The following HDAC9 variants were observed in gnomAD, a reference collection of about 807,000 sequenced individuals.
The protein encoded by HDAC9 is MEF-2 interacting transcription repressor (MITR) protein.
In HDAC9, 41 loss-of-function variants were observed where a neutral mutation model predicts 139.4. That is an observed-to-expected ratio of 0.29 (90% CI 0.23 to 0.38). The LOEUF (loss-of-function observed/expected upper bound fraction) is 0.38, where lower values mean the gene tolerates loss of function less well. Among genes scored for constraint, HDAC9 ranks in the 10% least tolerant of loss-of-function variants. The probability of loss-of-function intolerance (pLI) is 1.00; values close to 1 mark genes in which losing one functional copy is unlikely to be tolerated. For synonymous variants in HDAC9, 517 were observed against 476.2 expected (o/e 1.09, Z -1.12); for missense variants, 1,147 against 1,297.0 (o/e 0.88, Z 1.78).
chr7:18,987,961 CTTCT>C (rs1467112711), intron 25 of HDAC9, among the ~76,000 whole-genome samples: 1 of 151,960 alleles, frequency 6.6e-6, no homozygotes, highest in Admixed American at 6.6e-5. Flanking sequence ...TCTCCCTTTT[CTTCT>C]TTATTAGTCT....
intron 23 of HDAC9, among the ~76,000 whole-genome samples, chr7:18,936,597 A>C (rs1234599470): frequency 6.6e-6 from 1 of 152,210 alleles, no homozygotes; most frequent in African/African-American, 2.4e-5. Flanking sequence ...AACATTTTCA[A>C]CCAATTAGTT....
At chr7:18,458,725 GTAGACCTC>G in intron 1 of HDAC9, 1 of 643,698 alleles carries the variant, frequency 1.6e-6, no homozygotes, top group Non-Finnish European at 2.7e-6. Flanking sequence ...ATGATAAGCT[GTAGACCTC>G]TACTCAGAGT....
rs574668343 is a variant in HDAC9, at chr7:18,460,986, G to T, written c.-41-35276G>T. Among the ~76,000 whole-genome samples the T allele has an allele frequency of 9.2e-5, 14 of 152,126 alleles. No individual in the cohort carries two copies. The South Asian group carries it at 2.9e-3, about 32-fold the overall frequency. On this transcript the variant is annotated intron_variant, in intron 1 of 3. Transcript: ENST00000413509. The stretch of plus-strand genomic sequence containing the variant: ...AAAATAAGCAATGATTTCTAGAGAA[G>T]AGTAAAAAAGCCAGAAGAAGAAAAT...
intron 21 of HDAC9, among the ~76,000 whole-genome samples, chr7:18,863,920 G>A (rs1201400873): frequency 6.6e-6 from 1 of 152,202 alleles, no homozygotes; most frequent in Non-Finnish European, 1.5e-5. Context: ...TGTGAGTACT[G>A]CTACAATGAG....
intron 16 of HDAC9, among the ~76,000 whole-genome samples, chr7:18,788,874 T>C (rs1792054121): frequency 6.6e-6 from 1 of 152,138 alleles, no homozygotes. Flanking sequence ...GTGTTCCTTG[T>C]TTGTGCCGCA....
chr7:18,957,047 G>A (rs1485884847), intron 24 of HDAC9, among the ~76,000 whole-genome samples: 1 of 152,190 alleles, frequency 6.6e-6, no homozygotes, highest in Non-Finnish European at 1.5e-5. Context: ...CGTTTACCAA[G>A]AAGGAATGAT....
In HDAC9 at chr7:18,928,133, A is replaced by G. The variant is rs202244100; in HGVS notation, c.2804-7676A>G. 2.6e-5 allele frequency among the ~76,000 whole-genome samples: 4 copies of G among 152,342 alleles called. No homozygotes were observed. The East Asian group carries it at 7.7e-4, about 29-fold the overall frequency. On this transcript the variant is annotated intron_variant, in intron 22 of 25. Coordinates refer to ENST00000686413, the MANE Select transcript of HDAC9 (RefSeq NM_178425.4). ...TTTTACTACAGGGAGGCAGGATAGC[A>G]ATAGTAACTAAATTGTAGGTTGGAG...
chr7:18,358,092 C>T (rs193262225), intron 1 of HDAC9, among the ~76,000 whole-genome samples: 26 of 152,038 alleles, frequency 1.7e-4, no homozygotes, highest in East Asian at 1.6e-3. Context: ...GGGAGGCTGA[C>T]GCAGGAGCAT....
chr7:18,670,790 G>A (rs1385582360), intron 12 of HDAC9, among the ~76,000 whole-genome samples: 1 of 151,270 alleles, frequency 6.6e-6, no homozygotes, highest in East Asian at 1.9e-4. Context: ...CTCCTCATTA[G>A]CATTTACCAA....
intron 17 of HDAC9, among the ~76,000 whole-genome samples, chr7:18,809,324 A>G (rs145285607): frequency 6.6e-6 from 1 of 152,174 alleles, no homozygotes; most frequent in East Asian, 1.9e-4. Context: ...AACAAAAGCA[A>G]AAGTTGACAA....
chr7:18,974,137 T>G (rs1784416069), intron 24 of HDAC9, among the ~76,000 whole-genome samples: 1 of 152,186 alleles, frequency 6.6e-6, no homozygotes, highest in South Asian at 2.1e-4. Context: ...TCTCTGTATA[T>G]TTGTATGTGC....
At chr7:18,749,261 C>T in intron 14 of HDAC9, 123 bp downstream of exon 14, 1 of 1,026,972 alleles carries the variant, frequency 9.7e-7, no homozygotes, top group African/African-American at 1.6e-5. Context: ...ATTGATGAAC[C>T]ATCATAGATT....
At chr7:18,126,480 C>G (rs1055155095) in intron 1 of HDAC9, among the ~76,000 whole-genome samples, 1 of 152,120 alleles carries the variant, frequency 6.6e-6, no homozygotes, top group Non-Finnish European at 1.5e-5. Context: ...TAATTAGCAG[C>G]TAAGAGCTTT....
At position 18,515,118 on chromosome 7, in the gene HDAC9, G is replaced by C. The variant is rs887920594; in HGVS notation, c.22+18794G>C. Among the ~76,000 whole-genome samples the C allele has an allele frequency of 2.0e-5, 3 of 152,112 alleles. No individual in the cohort carries two copies. The East Asian group carries it at 5.8e-4, about 29-fold the overall frequency. On this transcript the variant is annotated intron_variant, in intron 2 of 25. Transcript: ENST00000686413. Reference sequence around the variant, plus strand: ...AGAAAGAGAGATTATATTGGTTATTGGTTCTAAAGTCATATTTTATTGGGT... The same window carrying C: ...AGAAAGAGAGATTATATTGGTTATTCGTTCTAAAGTCATATTTTATTGGGT...
chr7:18,592,690 C>T (rs1831335658), intron 5 of HDAC9, among the ~76,000 whole-genome samples: 1 of 151,866 alleles, frequency 6.6e-6, no homozygotes, highest in Non-Finnish European at 1.5e-5. Context: ...AGACAGATAC[C>T]ATAATGTTTT....
chr7:18,398,603 C>G (rs188732137), intron 1 of HDAC9, among the ~76,000 whole-genome samples: 3 of 151,998 alleles, frequency 2.0e-5, no homozygotes, highest in Admixed American at 6.6e-5. Flanking sequence ...TGCGTATGAG[C>G]CTTTGCTCAA....
intron 1 of HDAC9, among the ~76,000 whole-genome samples, chr7:18,422,945 G>A (rs1033930273): frequency 6.6e-6 from 1 of 152,242 alleles, no homozygotes; most frequent in South Asian, 2.1e-4. Flanking sequence ...ATAGTCCAAG[G>A]TATGCCCTTA....
intron 2 of HDAC9, among the ~76,000 whole-genome samples, chr7:18,500,727 A>G (rs1439040039): frequency 6.6e-6 from 1 of 152,166 alleles, no homozygotes; most frequent in Non-Finnish European, 1.5e-5. Context: ...CGTACCTTTC[A>G]CCAACTAAAC....
At chr7:18,096,883 T>TTG (rs59590063) in intron 1 of HDAC9, among the ~76,000 whole-genome samples, 23,152 of 145,160 alleles carry the variant, frequency 0.16, 1,799 homozygotes, top group Middle Eastern at 0.27. Flanking sequence ...CTTGTTGGCT[T>TTG]TGTGTGTGTG....
Sources: allele counts gnomAD v4.1 joint callset (sites outside exome capture counted in the v4.1 genomes callset), GRCh38; gene constraint gnomAD v4.1.1; transcripts MANE v1.5; gene names NCBI Gene and HGNC (gene_info 2026-07-23, HGNC 2026-07-21).